Variants in SMYD3 observed in about 807,000 individuals in gnomAD.
SMYD3 encodes histone-lysine N-methyltransferase SMYD3.
In SMYD3, 36 loss-of-function variants were observed where a neutral mutation model predicts 57.7. That is an observed-to-expected ratio of 0.62 (90% CI 0.48 to 0.82). The LOEUF (loss-of-function observed/expected upper bound fraction) is 0.82, where lower values mean the gene tolerates loss of function less well. SMYD3 is among the 40% of genes least tolerant of loss of function. The pLI, the probability that SMYD3 is intolerant of heterozygous loss-of-function variation, is 0.00. For missense variants in SMYD3, 515 were observed against 538.8 expected (o/e 0.96, Z 0.44); for synonymous variants, 211 against 195.0 (o/e 1.08, Z -0.68).
intron 7 of SMYD3, among the ~76,000 whole-genome samples, chr1:245,916,419 A>G (rs1311035454): frequency 6.6e-6 from 1 of 152,212 alleles, no homozygotes; most frequent in Non-Finnish European, 1.5e-5. Flanking sequence ...ATCTCTTATG[A>G]AAGTCTAATT....
chr1:245,971,638 G>A (rs142557171), intron 5 of SMYD3, among the ~76,000 whole-genome samples: 236 of 152,296 alleles, frequency 1.5e-3, no homozygotes, highest in African/African-American at 5.1e-3. Flanking sequence ...GATGTCCCTT[G>A]AAGGCCGCAG....
chr1:246,101,162 A>G (rs2061009927), intron 5 of SMYD3, among the ~76,000 whole-genome samples: 1 of 133,930 alleles, frequency 7.5e-6, no homozygotes, highest in Admixed American at 8.6e-5. Flanking sequence ...TGTTAGGGTT[A>G]GTTGAGCTTA....
chr1:246,041,424 T>C (rs899973786), intron 5 of SMYD3, among the ~76,000 whole-genome samples: 1 of 152,248 alleles, frequency 6.6e-6, no homozygotes, highest in Non-Finnish European at 1.5e-5. Context: ...AAATTCTGCA[T>C]ATGCTGAAAC....
At chr1:245,973,294 G>A (rs1010043586) in intron 5 of SMYD3, among the ~76,000 whole-genome samples, 1 of 152,218 alleles carries the variant, frequency 6.6e-6, no homozygotes, top group African/African-American at 2.4e-5. Flanking sequence ...GTTATAGCAG[G>A]AAAGCTTATA....
intron 1 of SMYD3, among the ~76,000 whole-genome samples, chr1:246,468,158 C>T (rs1233417143): frequency 1.1e-5 from 1 of 92,792 alleles, no homozygotes; most frequent in African/African-American, 4.3e-5. Context: ...AAGACTCTGT[C>T]TTAAAAAAAA....
intron 10 of SMYD3, among the ~76,000 whole-genome samples, chr1:245,847,648 C>T (rs1479081266): frequency 6.6e-6 from 1 of 152,082 alleles, no homozygotes; most frequent in Non-Finnish European, 1.5e-5. Flanking sequence ...GGTAGCTGCA[C>T]GGAAGCCAAA....
At chr1:246,455,632 C>T (rs527755743) in intron 1 of SMYD3, among the ~76,000 whole-genome samples, 4 of 152,276 alleles carry the variant, frequency 2.6e-5, no homozygotes, top group Admixed American at 2.0e-4. Flanking sequence ...TGATAGAATG[C>T]GTTCTTTACA....
chr1:245,816,345 T>C (rs1186063046), intron 10 of SMYD3, among the ~76,000 whole-genome samples: 3 of 150,116 alleles, frequency 2.0e-5, no homozygotes, highest in Non-Finnish European at 3.0e-5. Context: ...GGCCAAGGAG[T>C]GGGGCTTGCA....
intron 10 of SMYD3, among the ~76,000 whole-genome samples, chr1:245,845,162 G>T (rs183527135): frequency 6.6e-6 from 1 of 152,174 alleles, no homozygotes; most frequent in East Asian, 1.9e-4. Flanking sequence ...TTAAGTCTTT[G>T]ATTAATGAGA....
intron 1 of SMYD3, among the ~76,000 whole-genome samples, chr1:246,439,253 C>T (rs967416117): frequency 4.6e-5 from 7 of 152,114 alleles, no homozygotes; most frequent in African/African-American, 1.2e-4. Context: ...AACACCACCA[C>T]ACCCAGTCCA....
intron 10 of SMYD3, among the ~76,000 whole-genome samples, chr1:245,846,127 T>A (rs2050652047): frequency 6.6e-6 from 1 of 152,162 alleles, no homozygotes; most frequent in African/African-American, 2.4e-5. Context: ...AAGCCATCTG[T>A]CTCACCACGC....
intron 5 of SMYD3, among the ~76,000 whole-genome samples, chr1:246,012,163 T>C (rs1363152765): frequency 6.6e-6 from 1 of 152,204 alleles, no homozygotes; most frequent in Non-Finnish European, 1.5e-5. Context: ...ATTCCTTTGT[T>C]GTCTTCTTGA....
At chr1:245,812,950 GGGTGAGGA>G (rs1355743345) in intron 10 of SMYD3, among the ~76,000 whole-genome samples, 50 of 151,642 alleles carry the variant, frequency 3.3e-4, no homozygotes, top group African/African-American at 9.0e-4. Context: ...GGGGTAGTTG[GGGTGAGGA>G]GGTGAGGAGG....
intron 1 of SMYD3, among the ~76,000 whole-genome samples, chr1:246,468,223 T>C (rs1021991889): frequency 7.3e-5 from 11 of 151,044 alleles, no homozygotes; most frequent in African/African-American, 2.2e-4. Flanking sequence ...GACGCAAAGA[T>C]GGTTTAACAT....
chr1:246,149,813 T>A (rs1374770443), intron 5 of SMYD3, among the ~76,000 whole-genome samples: 4 of 152,204 alleles, frequency 2.6e-5, no homozygotes, highest in African/African-American at 9.6e-5. Flanking sequence ...CTAAGGAGCA[T>A]CCTTGAAAGC....
intron 1 of SMYD3, among the ~76,000 whole-genome samples, chr1:246,464,043 C>A (rs2067847370): frequency 6.6e-6 from 1 of 151,972 alleles, no homozygotes. Context: ...AAGCTGGAGT[C>A]TCTGTTTATT....
chr1:246,368,697 C>A (rs1045405196), intron 1 of SMYD3, among the ~76,000 whole-genome samples: 2 of 152,134 alleles, frequency 1.3e-5, no homozygotes. Flanking sequence ...GGCAGACCCC[C>A]CCTCAACCTG....
intron 1 of SMYD3, among the ~76,000 whole-genome samples, chr1:246,491,260 G>A (rs751220565): frequency 1.8e-4 from 27 of 152,256 alleles, no homozygotes; most frequent in Admixed American, 2.0e-4. Flanking sequence ...TCTGTCAGCC[G>A]GGCGCGGTGG....
chr1:246,330,605 G>T, intron 3 of SMYD3, 68 bp from the exon 4 acceptor site: 1 of 1,337,904 alleles, frequency 7.5e-7, no homozygotes, highest in Non-Finnish European at 1.0e-6. Flanking sequence ...AAATAAGTTT[G>T]AGTACCTTTG....
Sources: gnomAD v4.1 joint callset for allele counts (sites outside exome capture counted in the v4.1 genomes callset) on GRCh38, gnomAD v4.1.1 for gene constraint, MANE v1.5 for transcripts, NCBI Gene and HGNC (gene_info 2026-07-23, HGNC 2026-07-21) for gene names.